TENM1: variants seen among roughly 807,000 people sequenced by gnomAD.
TENM1 encodes teneurin-1.
A neutral mutation model predicts 174.8 loss-of-function variants in TENM1; 35 were observed. That is an observed-to-expected ratio of 0.20 (90% CI 0.15 to 0.27). TENM1 has a LOEUF of 0.27. TENM1 is among the 10% of genes least tolerant of loss of function. TENM1 has a pLI of 1.00. For synonymous variants in TENM1, 781 were observed against 798.7 expected (o/e 0.98, Z 0.37); for missense variants, 1,633 against 2,130.1 (o/e 0.77, Z 4.59).
At chrX:125,013,223 C>A in the TENM1 span, among the ~76,000 whole-genome samples, 3 of 111,742 alleles carry the variant, frequency 2.7e-5, no homozygotes, top group African/African-American at 9.7e-5. Context: ...GAAGACTATA[C>A]TGATTGTCAA....
Position 124,838,571 on chromosome X carries a change from A to T in TENM1, c.535+55725T>A, listed in dbSNP as rs189865689. Among the ~76,000 whole-genome samples the T allele has an allele frequency of 3.6e-5, 4 of 111,319 alleles. No homozygotes were observed. In the East Asian group the frequency reaches 1.1e-3, roughly 31 times the overall value. On this transcript the variant is annotated intron_variant, in intron 3 of 31. Coordinates refer to ENST00000422452, the Ensembl canonical transcript of TENM1. ...AACTGCTCCAAAGAAAATCAAGAAAAGGACAAAGTGATGCAATTAAAAGAG... is the reference window on the plus strand; with the variant it reads ...AACTGCTCCAAAGAAAATCAAGAAATGGACAAAGTGATGCAATTAAAAGAG...
chrX:125,081,415 C>T, the TENM1 span, among the ~76,000 whole-genome samples: 1 of 110,478 alleles, frequency 9.1e-6, no homozygotes, highest in East Asian at 2.9e-4. Context: ...TCAATAGGTC[C>T]AAAATCTGTC....
At chrX:124,689,789 G>A (rs1489770581) in intron 5 of TENM1, among the ~76,000 whole-genome samples, 1 of 109,924 alleles carries the variant, frequency 9.1e-6, no homozygotes, top group Non-Finnish European at 1.9e-5. Context: ...TTTTTCCTAC[G>A]TGTACATGCC....
At position 124,799,225 on chromosome X, in the gene TENM1, T is replaced by TG. The variant is rs749098037; in HGVS notation, c.536-62029dup. Among the ~76,000 whole-genome samples, 70 of 111,673 alleles carry TG rather than the reference T, an allele frequency of 6.3e-4. 3 individuals are homozygous for TG. In the South Asian group the frequency reaches 0.025, roughly 40 times the overall value. ...AAAGTAGTTTTTTTTTCTAATTCTG[T>TG]GAAGAATGTCAATGGTAGTTTAATG... On this transcript the variant is annotated intron_variant, in intron 3 of 31. Transcript: ENST00000422452.
chrX:124,853,699 C>T (rs1010535793), intron 3 of TENM1, among the ~76,000 whole-genome samples: 1 of 110,574 alleles, frequency 9.0e-6, no homozygotes, highest in Non-Finnish European at 1.9e-5. Flanking sequence ...GAATGGGGAA[C>T]TAGAATGGGA....
At chrX:124,445,618 G>A (rs1237342999) in intron 23 of TENM1, among the ~76,000 whole-genome samples, 1 of 112,364 alleles carries the variant, frequency 8.9e-6, no homozygotes, top group East Asian at 2.8e-4. Context: ...TGAAGCCCTG[G>A]CTGTGTATCT....
At chrX:124,636,033 C>T (rs2050871085) in intron 11 of TENM1, among the ~76,000 whole-genome samples, 1 of 112,022 alleles carries the variant, frequency 8.9e-6, no homozygotes, top group Admixed American at 9.4e-5. Context: ...CCTAGAAATA[C>T]AGACTGAAAA....
chrX:125,153,621 T>A, the TENM1 span, among the ~76,000 whole-genome samples: 10 of 112,336 alleles, frequency 8.9e-5, no homozygotes, highest in African/African-American at 3.2e-4. Context: ...AAAACTGGGA[T>A]TTTCAGATTA....
the TENM1 span, among the ~76,000 whole-genome samples, chrX:125,190,818 A>G: frequency 9.0e-6 from 1 of 111,492 alleles, no homozygotes; most frequent in East Asian, 2.8e-4. Flanking sequence ...CAGATAATAA[A>G]GGAAAAAATG....
chrX:125,073,731 G>A, the TENM1 span, among the ~76,000 whole-genome samples: 2 of 111,114 alleles, frequency 1.8e-5, no homozygotes, highest in Non-Finnish European at 3.8e-5. Context: ...CAAGGTTCCT[G>A]TCCAGTTTTT....
the TENM1 span, among the ~76,000 whole-genome samples, chrX:125,070,362 A>AT: frequency 2.7e-5 from 3 of 110,916 alleles, no homozygotes; most frequent in African/African-American, 6.6e-5. Flanking sequence ...CCCACTGCCC[A>AT]TTTTTTAATG....
intron 4 of TENM1, among the ~76,000 whole-genome samples, chrX:124,720,803 T>C: frequency 8.9e-6 from 1 of 112,446 alleles, no homozygotes; most frequent in Non-Finnish European, 1.9e-5. Flanking sequence ...CCATCATCAC[T>C]ACCCTTTGAC....
intron 27 of TENM1, among the ~76,000 whole-genome samples, chrX:124,404,428 G>T (rs1334275657): frequency 9.0e-6 from 1 of 111,617 alleles, no homozygotes. Flanking sequence ...ACTGTGCTTG[G>T]TAAGGACTTT....
exon 11 of TENM1, chrX:124,641,857 T>C: frequency 2.5e-6 from 3 of 1,211,523 alleles, no homozygotes; most frequent in Non-Finnish European, 3.4e-6. Flanking sequence ...AGAAGAAAAG[T>C]TCCGTGTCCT....
chrX:124,810,773 T>C (rs1239869110), intron 3 of TENM1, among the ~76,000 whole-genome samples: 2 of 111,467 alleles, frequency 1.8e-5, no homozygotes, highest in African/African-American at 3.3e-5. Context: ...ACTGGAGTCA[T>C]CACCCTACTT....
intron 3 of TENM1, among the ~76,000 whole-genome samples, chrX:124,743,453 A>G (rs2053846958): frequency 8.9e-6 from 1 of 112,098 alleles, no homozygotes; most frequent in South Asian, 3.7e-4. Context: ...AACAACAGAA[A>G]GAGTCAGAAG....
At chrX:124,518,645 C>T (rs2047772373) in intron 18 of TENM1, among the ~76,000 whole-genome samples, 1 of 112,055 alleles carries the variant, frequency 8.9e-6, no homozygotes, top group African/African-American at 3.2e-5. Context: ...TTACTCACCT[C>T]ATTTAATCAT....
the TENM1 span, among the ~76,000 whole-genome samples, chrX:125,094,511 A>C: frequency 8.9e-6 from 1 of 112,335 alleles, no homozygotes; most frequent in African/African-American, 3.2e-5. Flanking sequence ...AGGCGAGTTA[A>C]GTATCCAATG....
chrX:124,735,015 C>T (rs7056482), intron 4 of TENM1, among the ~76,000 whole-genome samples: 16,115 of 111,371 alleles, frequency 0.14, 1,491 homozygotes, highest in African/African-American at 0.34. Flanking sequence ...GGAAAAAACT[C>T]TTCAGGACAT....
Sources: gnomAD v4.1 joint callset for allele counts (sites outside exome capture counted in the v4.1 genomes callset) on GRCh38, gnomAD v4.1.1 for gene constraint, MANE v1.5 for transcripts, NCBI Gene and HGNC (gene_info 2026-07-23, HGNC 2026-07-21) for gene names.